E2F3: variants seen among roughly 807,000 people sequenced by gnomAD.
E2F3 encodes transcription factor E2F3.
A neutral mutation model predicts 44.4 loss-of-function variants in E2F3; 11 were observed. That is an observed-to-expected ratio of 0.25 (90% CI 0.16 to 0.41). The LOEUF (loss-of-function observed/expected upper bound fraction) is 0.41, where lower values mean the gene tolerates loss of function less well. Among genes scored for constraint, E2F3 ranks in the 10% least tolerant of loss-of-function variants. E2F3 has a pLI of 1.00. For missense variants in E2F3, 487 were observed against 583.6 expected (o/e 0.83, Z 1.70); for synonymous variants, 249 against 253.0 (o/e 0.98, Z 0.15).
chr6:20,423,721 G>A (rs1015681214), intron 1 of E2F3, among the ~76,000 whole-genome samples: 4 of 151,412 alleles, frequency 2.6e-5, no homozygotes, highest in Non-Finnish European at 4.4e-5. Context: ...TGCCTGCCTC[G>A]GCCTCCCAAA....
At chr6:20,432,824 C>T (rs1760452118) in intron 1 of E2F3, among the ~76,000 whole-genome samples, 1 of 152,094 alleles carries the variant, frequency 6.6e-6, no homozygotes, top group African/African-American at 2.4e-5. Context: ...GTAGGGAGCA[C>T]AAGGCAAGAA....
At chr6:20,423,443 T>C (rs1760094213) in intron 1 of E2F3, among the ~76,000 whole-genome samples, 2 of 152,232 alleles carry the variant, frequency 1.3e-5, no homozygotes. Flanking sequence ...GAAAGCATCA[T>C]TGTTTGGCAG....
rs1415799704 is a variant in E2F3 at position 20,466,405 on chromosome 6, G to A, written c.394-13441G>A. 3.9e-5 allele frequency among the ~76,000 whole-genome samples: 6 copies of A among 152,266 alleles called. No homozygotes were observed. The East Asian group carries it at 9.7e-4, about 25-fold the overall frequency. Reference sequence around the variant, plus strand: ...TGGCATTACAGGTGTGAGCCACCATGGCCAGCAATTATTTTTTGATGTTTT... The same window carrying A: ...TGGCATTACAGGTGTGAGCCACCATAGCCAGCAATTATTTTTTGATGTTTT... On this transcript the variant is annotated intron_variant, in intron 1 of 6. Coordinates refer to ENST00000346618, the MANE Select transcript of E2F3 (RefSeq NM_001949.5).
At position 20,490,509 on chromosome 6, in the gene E2F3, C is replaced by T; in HGVS notation, c.*79C>T. The T allele has an allele frequency of 7.4e-7, 1 of 1,359,376 alleles. No homozygotes were observed. The highest frequency in any genetic ancestry group is 9.9e-7 in the Non-Finnish European group (1 of 1,012,552). 84.2% of individuals were successfully genotyped at this position (1,359,376 alleles called of 1,614,324 possible). A position where few individuals can be genotyped will look rare whatever the true frequency, so the allele number is the denominator to read the frequency against. On this transcript the variant is annotated 3_prime_UTR_variant, in exon 7 of 7. Transcript: ENST00000346618. This position sits in a 1 kb window ranked among gnomAD's most constrained non-coding sequence, Gnocchi z 4.3. ...AGAACATCTGTCATGCAGTGTTGTCCCTTCCTACCTTCTTCCTCCAAGAGA... is the reference window on the plus strand; with the variant it reads ...AGAACATCTGTCATGCAGTGTTGTCTCTTCCTACCTTCTTCCTCCAAGAGA...
At chr6:20,431,274 A>G (rs1248689018) in intron 1 of E2F3, among the ~76,000 whole-genome samples, 1 of 152,182 alleles carries the variant, frequency 6.6e-6, no homozygotes, top group Admixed American at 6.5e-5. Flanking sequence ...GAATCTTGCT[A>G]TCTTCAGTGA....
In E2F3 at chr6:20,451,423, C is replaced by T. The variant is rs553219724; in HGVS notation, c.394-28423C>T. 5.9e-5 allele frequency among the ~76,000 whole-genome samples: 9 copies of T among 152,176 alleles called. No individual in the cohort carries two copies. The South Asian group carries it at 8.3e-4, about 14-fold the overall frequency. ...ATGTTGCTTTTGTATCCTGAGACTT[C>T]GCTGAATTTATGTATCAGCTTAAGG... On this transcript the variant is annotated intron_variant, in intron 1 of 6. Coordinates refer to ENST00000346618, the MANE Select transcript of E2F3 (RefSeq NM_001949.5).
chr6:20,479,334 T>C (rs1428311139), intron 1 of E2F3, among the ~76,000 whole-genome samples: 1 of 152,152 alleles, frequency 6.6e-6, no homozygotes, highest in Non-Finnish European at 1.5e-5. Context: ...TGGGAAACAG[T>C]CCCTGCCTTA....
At chr6:20,463,298 C>T (rs1422320574) in intron 1 of E2F3, among the ~76,000 whole-genome samples, 2 of 152,072 alleles carry the variant, frequency 1.3e-5, no homozygotes, top group Non-Finnish European at 2.9e-5. Flanking sequence ...CTTAAAATCC[C>T]AGTGCTTTGG....
intron 1 of E2F3, among the ~76,000 whole-genome samples, chr6:20,429,249 G>T (rs1483738801): frequency 6.6e-6 from 1 of 152,124 alleles, no homozygotes; most frequent in Non-Finnish European, 1.5e-5. Context: ...TCAAACAAGG[G>T]TATATTCGTT....
chr6:20,486,673 C>A lies in E2F3; in HGVS notation c.885-16C>A. ...ATCTGAGGTAATTAGATGGAAGATT[C>A]CTTGACACTCTTTACGTTAGCTTAT... On this transcript the variant is annotated splice_polypyrimidine_tract_variant and intron_variant, in intron 4 of 6. Transcript: ENST00000346618. 1 of 1,354,188 alleles carries A rather than the reference C, an allele frequency of 7.4e-7. No individual in the cohort carries two copies. The highest frequency in any genetic ancestry group is 1.0e-6 in the Non-Finnish European group (1 of 955,698). 83.9% of individuals were successfully genotyped at this position (1,354,188 alleles called of 1,614,324 possible).
At chr6:20,485,944 T>A (rs1020914784) in intron 4 of E2F3, among the ~76,000 whole-genome samples, 5 of 152,128 alleles carry the variant, frequency 3.3e-5, no homozygotes, top group Non-Finnish European at 7.3e-5. Flanking sequence ...TTCAAAAAAA[T>A]TATGGCTAAT....
intron 1 of E2F3, among the ~76,000 whole-genome samples, chr6:20,472,524 C>CA (rs898551712): frequency 9.5e-5 from 14 of 147,874 alleles, no homozygotes; most frequent in East Asian, 3.9e-4. Context: ...TCATCTCTAC[C>CA]AAAAAAAAAA....
chr6:20,459,110 A>G (rs932638099), intron 1 of E2F3, among the ~76,000 whole-genome samples: 5 of 152,180 alleles, frequency 3.3e-5, no homozygotes, highest in Non-Finnish European at 5.9e-5. Context: ...TACTAAAAAT[A>G]TAAAAGTTAG....
At chr6:20,434,613 A>T (rs1381392964) in intron 1 of E2F3, among the ~76,000 whole-genome samples, 1 of 152,186 alleles carries the variant, frequency 6.6e-6, no homozygotes, top group Admixed American at 6.5e-5. Flanking sequence ...TGAATAAACT[A>T]TAGAGAGAAA....
Position 20,438,497 on chromosome 6 carries a change from T to G in E2F3, c.393+35872T>G, listed in dbSNP as rs144368733. On this transcript the variant is annotated intron_variant, in intron 1 of 6. Coordinates refer to ENST00000346618, the MANE Select transcript of E2F3 (RefSeq NM_001949.5). Reference sequence around the variant, plus strand: ...TGTCAGTGTCTCGGCATATTTGAAATTTTTAGTACTGCATTTGGTATATGA... The same window carrying G: ...TGTCAGTGTCTCGGCATATTTGAAAGTTTTAGTACTGCATTTGGTATATGA... Among the ~76,000 whole-genome samples, 11 of 152,312 alleles carry G rather than the reference T, an allele frequency of 7.2e-5. No homozygotes were observed. The East Asian group carries it at 2.1e-3, about 29-fold the overall frequency.
chr6:20,452,989 CTTTTTGTT>C (rs768684098), intron 1 of E2F3, among the ~76,000 whole-genome samples: 9 of 60,264 alleles, frequency 1.5e-4, no homozygotes, highest in Non-Finnish European at 2.0e-4. Context: ...TTGTTTCTTT[CTTTTTGTT>C]TGTTTGTTTG....
chr6:20,469,375 C>T lies in E2F3; in HGVS notation c.394-10471C>T, dbSNP rs571021979. The stretch of plus-strand genomic sequence containing the variant: ...TGTGTGAGCATATCACTTAGAGATA[C>T]AGAGGTGACCACCAGGAGAAATAGT... On this transcript the variant is annotated intron_variant, in intron 1 of 6. Transcript: ENST00000346618. 2.0e-5 allele frequency among the ~76,000 whole-genome samples: 3 copies of T among 152,288 alleles called. No individual in the cohort carries two copies. The East Asian group carries it at 5.8e-4, about 29-fold the overall frequency.
intron 1 of E2F3, among the ~76,000 whole-genome samples, chr6:20,423,187 T>A (rs1162940817): frequency 3.3e-5 from 5 of 152,192 alleles, no homozygotes; most frequent in African/African-American, 9.7e-5. Flanking sequence ...CATTAGGAAA[T>A]TTCATCATTT....
At chr6:20,444,180 C>A (rs572166197) in intron 1 of E2F3, among the ~76,000 whole-genome samples, 12 of 152,150 alleles carry the variant, frequency 7.9e-5, no homozygotes, top group Non-Finnish European at 1.6e-4. Flanking sequence ...CAGAGCGAGA[C>A]CTAGTCTTGA....
Sources: gnomAD v4.1 joint callset for allele counts (sites outside exome capture counted in the v4.1 genomes callset) on GRCh38, gnomAD v4.1.1 for gene constraint, Gnocchi (gnomAD v3.1) non-coding constraint, MANE v1.5 for transcripts, NCBI Gene and HGNC (gene_info 2026-07-23, HGNC 2026-07-21) for gene names.